TMEM87B: variants seen among roughly 807,000 people sequenced by gnomAD.
TMEM87B encodes transmembrane protein 87B.
Under a neutral mutation model 80.3 loss-of-function variants are expected in TMEM87B, and 83 were observed. The ratio of observed to expected loss-of-function variants is 1.03; its 90% CI spans 0.87 to 1.24. The LOEUF is 1.24. Ranked by LOEUF, TMEM87B falls within the 50% of genes most tolerant of loss-of-function variation. TMEM87B has a pLI of 0.00. For missense variants in TMEM87B, 625 were observed against 674.4 expected, an observed-to-expected ratio of 0.93 and a Z score of 0.81; for synonymous variants, 219 against 230.5, an observed-to-expected ratio of 0.95 and a Z score of 0.45.
At chr2:112,083,351 G>GT (rs1219606025) in intron 8 of TMEM87B, among the ~76,000 whole-genome samples, 1 of 152,142 alleles carries the variant, frequency 6.6e-6, no homozygotes, top group Admixed American at 6.5e-5. Flanking sequence ...GACCGCTGCT[G>GT]TTTTCTGTGG....
rs1268078585 is a variant in TMEM87B at position 112,079,170 on chromosome 2, T to G, written c.593-1887T>G. Among the ~76,000 whole-genome samples the G allele has an allele frequency of 2.0e-5, 3 of 152,218 alleles. No homozygotes were observed. The South Asian group carries it at 6.2e-4, about 32-fold the overall frequency. On this transcript the variant is annotated intron_variant, in intron 6 of 18. Transcript: ENST00000283206. Reference sequence around the variant, plus strand: ...AGCAATTTTGAAACATACAGTACTCTGTTAACTATTCACCATGCTGTGCAA... The same window carrying G: ...AGCAATTTTGAAACATACAGTACTCGGTTAACTATTCACCATGCTGTGCAA...
intron 4 of TMEM87B, among the ~76,000 whole-genome samples, chr2:112,071,802 A>G (rs1678647902): frequency 6.6e-6 from 1 of 152,160 alleles, no homozygotes; most frequent in African/African-American, 2.4e-5. Context: ...TGCTCTGGCC[A>G]GGACTTCCAA....
intron 4 of TMEM87B, among the ~76,000 whole-genome samples, chr2:112,070,073 A>G (rs1678577277): frequency 6.6e-6 from 1 of 151,624 alleles, no homozygotes; most frequent in African/African-American, 2.4e-5. Flanking sequence ...TGGACATTAG[A>G]CCTTTGTCAG....
At chr2:112,111,190 T>G (rs970133644) in intron 17 of TMEM87B, among the ~76,000 whole-genome samples, 1 of 152,200 alleles carries the variant, frequency 6.6e-6, no homozygotes, top group African/African-American at 2.4e-5. Context: ...TTGTGATCCT[T>G]AGTAATTTTA....
chr2:112,066,869 CTTTTAT>C, intron 3 of TMEM87B, 61 bp from the exon 4 acceptor site: 1 of 1,388,652 alleles, frequency 7.2e-7, no homozygotes, highest in Non-Finnish European at 9.6e-7. Flanking sequence ...TAGACATTAA[CTTTTAT>C]TTATATTCTA....
Position 112,118,614 on chromosome 2 carries a change from T to C in TMEM87B, c.*2471T>C, listed in dbSNP as rs1680084134. ...TTTATTGTAAAAATAAGGAAAAATATGTGAATATGTGAATTTTTTAAGCCT... is the reference window on the plus strand; with the variant it reads ...TTTATTGTAAAAATAAGGAAAAATACGTGAATATGTGAATTTTTTAAGCCT... On this transcript the variant is annotated 3_prime_UTR_variant, in exon 19 of 19. Transcript: ENST00000283206. The C allele has an allele frequency of 6.6e-6, 1 of 152,192 alleles. No homozygotes were observed. Among genetic ancestry groups the C allele is most frequent in the African/African-American group, 2.4e-5 (1 of 41,440 alleles). 9.4% of individuals were successfully genotyped at this position (152,192 alleles called of 1,614,324 possible).
At chr2:112,077,038 CAAAAAAAA>C (rs35044756) in intron 5 of TMEM87B, among the ~76,000 whole-genome samples, 146 bp from the exon 6 acceptor site, 2 of 85,348 alleles carry the variant, frequency 2.3e-5, no homozygotes, top group South Asian at 5.1e-4. Context: ...ACCCCCATCT[CAAAAAAAA>C]AAAAAAAAAA....
chr2:112,118,148 C>CT lies in TMEM87B; in HGVS notation c.*2006dup, dbSNP rs1359133883. ...CTGTTACTAGAAGGGCATGTGCTGT[C>CT]TGTCACCTTCAGTAATATTTGTGCC... On this transcript the variant is annotated 3_prime_UTR_variant, in exon 19 of 19. Coordinates refer to ENST00000283206, the MANE Select transcript of TMEM87B (RefSeq NM_032824.3). 2 of 152,230 alleles carry CT rather than the reference C, an allele frequency of 1.3e-5. No individual in the cohort carries two copies. Among genetic ancestry groups the CT allele is most frequent in the East Asian group, 3.8e-4 (2 of 5,202 alleles). 9.4% of individuals were successfully genotyped at this position (152,230 alleles called of 1,614,324 possible).
At chr2:112,091,321 A>G (rs1679292984) in intron 10 of TMEM87B, among the ~76,000 whole-genome samples, 1 of 152,180 alleles carries the variant, frequency 6.6e-6, no homozygotes, top group South Asian at 2.1e-4. Context: ...AATGTCTAAC[A>G]TGGATCCCCC....
chr2:112,079,640 C>T (rs1169543530), intron 6 of TMEM87B, among the ~76,000 whole-genome samples: 1 of 152,090 alleles, frequency 6.6e-6, no homozygotes, highest in Non-Finnish European at 1.5e-5. Context: ...AGTGGGATTA[C>T]TGGATTATAT....
Position 112,055,639 on chromosome 2 carries a change from C to T in TMEM87B, c.48C>T (p.Arg16=). The change falls in exon 1 of 19, where the codon CGC becomes CGT. Residue 16 remains arginine (R), a synonymous_variant. Coordinates refer to ENST00000283206, the MANE Select transcript of TMEM87B (RefSeq NM_032824.3). The part of the protein sequence containing the change: ...RSVAGLLPRR[R]RCFPARAPLL... ...TAGCCGGGCTCCTGCCACGCCGCCG[C>T]CGCTGCTTTCCCGCCCGGGCCCCGC... 1 of 1,558,148 alleles carries T rather than the reference C, an allele frequency of 6.4e-7. No homozygotes were observed. The highest frequency in any genetic ancestry group is 8.7e-7 in the Non-Finnish European group (1 of 1,154,482).
At position 112,089,712 on chromosome 2, in the gene TMEM87B, C is replaced by G. The variant is rs765610581; in HGVS notation, c.1026C>G (p.Val342=). The change falls in exon 10 of 19, where the codon GTC becomes GTG. Residue 342 remains valine, a synonymous_variant. Coordinates refer to ENST00000283206, the MANE Select transcript of TMEM87B (RefSeq NM_032824.3). The part of the protein sequence containing the change: ...IFAAVEGVMR[V]IGGSNHLAVV... Reference sequence around the variant, plus strand: ...CAGCTGTTGAAGGCGTGATGAGAGTCATTGGGGTAAAAACTACATTATTCT... The same window carrying G: ...CAGCTGTTGAAGGCGTGATGAGAGTGATTGGGGTAAAAACTACATTATTCT... 1 of 1,614,002 alleles carries G rather than the reference C, an allele frequency of 6.2e-7. No homozygotes were observed. The highest frequency in any genetic ancestry group is 8.5e-7 in the Non-Finnish European group (1 of 1,179,888).
intron 15 of TMEM87B, among the ~76,000 whole-genome samples, chr2:112,104,226 C>T (rs570087164): frequency 7.5e-4 from 114 of 152,172 alleles, no homozygotes; most frequent in African/African-American, 2.5e-3. Context: ...AAAAATGAGA[C>T]TTTATCAAAA....
intron 6 of TMEM87B, among the ~76,000 whole-genome samples, chr2:112,078,136 G>A (rs571389362): frequency 6.6e-6 from 1 of 152,206 alleles, no homozygotes; most frequent in Non-Finnish European, 1.5e-5. Context: ...GGCATCATGA[G>A]CCAGACTGTG....
chr2:112,110,856 G>A (rs545076418), intron 17 of TMEM87B, among the ~76,000 whole-genome samples: 9 of 151,702 alleles, frequency 5.9e-5, no homozygotes, highest in Non-Finnish European at 1.2e-4. Flanking sequence ...GCTGCTTTTT[G>A]TCCCACTCGA....
chr2:112,095,130 G>GTTTCTC (rs1338335337), intron 11 of TMEM87B: 2 of 854,200 alleles, frequency 2.3e-6, no homozygotes, highest in African/African-American at 6.1e-5. Context: ...TTTTCTTCTT[G>GTTTCTC]TTTCTCTTTC....
At chr2:112,085,879 A>T in intron 8 of TMEM87B, 126 bp from the exon 9 acceptor site, 1 of 710,050 alleles carries the variant, frequency 1.4e-6, no homozygotes, top group Non-Finnish European at 2.3e-6. Flanking sequence ...AGTGACTTTT[A>T]AATCAAATGT....
intron 9 of TMEM87B, among the ~76,000 whole-genome samples, chr2:112,088,576 C>A (rs183977115): frequency 6.6e-6 from 1 of 151,602 alleles, no homozygotes; most frequent in Non-Finnish European, 1.5e-5. Flanking sequence ...TTTTTTAAAC[C>A]AGTTTTTTTC....
intron 9 of TMEM87B, among the ~76,000 whole-genome samples, chr2:112,086,504 C>T (rs917067908): frequency 6.6e-6 from 1 of 152,178 alleles, no homozygotes; most frequent in Non-Finnish European, 1.5e-5. Flanking sequence ...CCTGTCTGTC[C>T]CTCAAGGACT....
Sources: allele counts gnomAD v4.1 joint callset (sites outside exome capture counted in the v4.1 genomes callset), GRCh38; gene constraint gnomAD v4.1.1; transcripts MANE v1.5; gene names NCBI Gene and HGNC (gene_info 2026-07-23, HGNC 2026-07-21).